The following TOP6BL variants were observed in gnomAD, a reference collection of about 807,000 sequenced individuals.
TOP6BL encodes TOP6B like initiator of meiotic double strand breaks.
At chr11:66,801,871 G>A in the TOP6BL span, among the ~76,000 whole-genome samples, 3 of 152,086 alleles carry the variant, frequency 2.0e-5, no homozygotes, top group Non-Finnish European at 4.4e-5. Context: ...ATCCATGGAG[G>A]AGGTGGTAAA....
chr11:66,785,173 G>C, the TOP6BL span, among the ~76,000 whole-genome samples: 1 of 151,596 alleles, frequency 6.6e-6, no homozygotes, highest in Non-Finnish European at 1.5e-5. Context: ...TGTCCAGGCT[G>C]GTCTTGAACT....
At chr11:66,786,937 G>GTTT in the TOP6BL span, among the ~76,000 whole-genome samples, 3 of 143,772 alleles carry the variant, frequency 2.1e-5, no homozygotes, top group Non-Finnish European at 4.6e-5. Flanking sequence ...TTTTTGTTTT[G>GTTT]TTTTTTTTTT....
chr11:66,776,037 C>A, the TOP6BL span, among the ~76,000 whole-genome samples: 17 of 151,452 alleles, frequency 1.1e-4, 1 homozygote, highest in Non-Finnish European at 2.4e-4. Context: ...ACAACTCCAT[C>A]TTTTCCTTTT....
At chr11:66,766,677 C>T in the TOP6BL span, among the ~76,000 whole-genome samples, 1 of 152,208 alleles carries the variant, frequency 6.6e-6, no homozygotes, top group Admixed American at 6.5e-5. Context: ...CATTATTCTA[C>T]ATTCAATTCA....
chr11:66,749,058 G>C, the TOP6BL span, among the ~76,000 whole-genome samples: 1 of 151,712 alleles, frequency 6.6e-6, no homozygotes, highest in Non-Finnish European at 1.5e-5. Flanking sequence ...TTGTGTGTGT[G>C]TGTGTGGTGT....
chr11:66,796,018 G>A, the TOP6BL span: 12 of 330,702 alleles, frequency 3.6e-5, no homozygotes, highest in East Asian at 5.8e-4. Flanking sequence ...TGTCCCCAAA[G>A]GTGGTTTTGA....
At chr11:66,827,966 GAAAAAAA>G in the TOP6BL span, among the ~76,000 whole-genome samples, 77 of 30,110 alleles carry the variant, frequency 2.6e-3, 1 homozygote, top group South Asian at 0.036. Context: ...CTCTGTCTCA[GAAAAAAA>G]AAAAAAAAAA....
the TOP6BL span, among the ~76,000 whole-genome samples, chr11:66,786,892 A>G: frequency 6.6e-6 from 1 of 152,254 alleles, no homozygotes; most frequent in South Asian, 2.1e-4. Context: ...ACTAATGGCA[A>G]GAACAATATT....
chr11:66,788,245 AAC>A, the TOP6BL span: 1 of 1,613,100 alleles, frequency 6.2e-7, no homozygotes, highest in Admixed American at 1.7e-5. Context: ...TGACAGGGGT[AAC>A]ACCCTTCCAG....
chr11:66,755,396 C>T, the TOP6BL span, among the ~76,000 whole-genome samples: 2 of 152,190 alleles, frequency 1.3e-5, no homozygotes, highest in African/African-American at 2.4e-5. Flanking sequence ...GCTGGGATTA[C>T]AGGCATGAGC....
chr11:66,758,902 T>C, the TOP6BL span: 3 of 472,752 alleles, frequency 6.3e-6, no homozygotes, highest in Non-Finnish European at 1.1e-5. Context: ...CTTTGATGTT[T>C]CCATTTTTAC....
At chr11:66,837,390 G>A in the TOP6BL span, among the ~76,000 whole-genome samples, 1 of 151,692 alleles carries the variant, frequency 6.6e-6, no homozygotes, top group South Asian at 2.1e-4. Context: ...GCCTCCCAAA[G>A]TGCTGGGATT....
chr11:66,759,971 C>T, the TOP6BL span, among the ~76,000 whole-genome samples: 1 of 152,164 alleles, frequency 6.6e-6, no homozygotes, highest in Non-Finnish European at 1.5e-5. Flanking sequence ...GACCTTAGAA[C>T]TCTTACGCTT....
chr11:66,826,361 T>C, the TOP6BL span, among the ~76,000 whole-genome samples: 2 of 152,250 alleles, frequency 1.3e-5, no homozygotes, highest in Non-Finnish European at 2.9e-5. Flanking sequence ...TAAATCTAAT[T>C]TAATAAACCA....
chr11:66,766,013 A>G, the TOP6BL span, among the ~76,000 whole-genome samples: 1 of 152,178 alleles, frequency 6.6e-6, no homozygotes, highest in South Asian at 2.1e-4. Context: ...ACTGATCTTT[A>G]CACTGTTTAG....
the TOP6BL span, chr11:66,843,447 C>T: frequency 1.4e-6 from 2 of 1,401,424 alleles, no homozygotes; most frequent in Non-Finnish European, 1.8e-6. Flanking sequence ...CGCCGCGGGT[C>T]AGGGCGCAAT....
At chr11:66,774,171 G>A in the TOP6BL span, among the ~76,000 whole-genome samples, 24 of 152,112 alleles carry the variant, frequency 1.6e-4, no homozygotes, top group Middle Eastern at 6.8e-3. Context: ...ATGTAAGTTA[G>A]GAATCTAATT....
At chr11:66,819,267 T>C in the TOP6BL span, among the ~76,000 whole-genome samples, 1 of 152,172 alleles carries the variant, frequency 6.6e-6, no homozygotes, top group African/African-American at 2.4e-5. Context: ...TTTTTTCTTG[T>C]GACTAACTCA....
At chr11:66,803,933 CT>C in the TOP6BL span, 19 of 1,371,184 alleles carry the variant, frequency 1.4e-5, no homozygotes, top group Non-Finnish European at 1.9e-5. Context: ...ATTTTGAATG[CT>C]CTTTTAAATA....
Sources: gnomAD v4.1 joint callset for allele counts (sites outside exome capture counted in the v4.1 genomes callset) on GRCh38, gnomAD v4.1.1 for gene constraint, MANE v1.5 for transcripts, NCBI Gene and HGNC (gene_info 2026-07-23, HGNC 2026-07-21) for gene names.